Variants in TUSC3 observed in about 807,000 individuals in gnomAD.
The protein encoded by TUSC3 is dolichyl-diphosphooligosaccharide--protein glycosyltransferase subunit TUSC3.
TUSC3 carries 45 observed loss-of-function variants against 44.8 expected under a neutral mutation model. The ratio of observed to expected loss-of-function variants is 1.00; its 90% CI spans 0.79 to 1.29. TUSC3 has a LOEUF of 1.29. Ranked by LOEUF, TUSC3 falls within the 50% of genes most tolerant of loss-of-function variation. The probability of loss-of-function intolerance (pLI) is 0.00; values close to 1 mark genes in which losing one functional copy is unlikely to be tolerated. For missense variants in TUSC3, 519 were observed against 437.9 expected, an observed-to-expected ratio of 1.19 and a Z score of -1.65; for synonymous variants, 212 against 152.9, an observed-to-expected ratio of 1.39 and a Z score of -2.85.
rs546950612 is a variant in TUSC3 at position 15,758,450 on chromosome 8, A to G, written c.*46+595A>G. 2.1e-4 allele frequency among the ~76,000 whole-genome samples: 32 copies of G among 151,908 alleles called. No homozygotes were observed. The South Asian group carries it at 6.0e-3, about 29-fold the overall frequency. On this transcript the variant is annotated intron_variant, in intron 10 of 10. Transcript: ENST00000503731. ...AATTGACAGTAATTTTTTGCAGAAA[A>G]TTCACAATCCAGTTTTTTGATTCCA...
intron 2 of TUSC3, among the ~76,000 whole-genome samples, chr8:15,503,574 C>T (rs933353392): frequency 6.6e-6 from 1 of 152,104 alleles, no homozygotes; most frequent in African/African-American, 2.4e-5. Context: ...CATGGTGGCT[C>T]ACACCTGTAG....
chr8:15,563,047 C>G (rs1173727884), intron 1 of TUSC3, among the ~76,000 whole-genome samples: 1 of 152,070 alleles, frequency 6.6e-6, no homozygotes, highest in Non-Finnish European at 1.5e-5. Flanking sequence ...TTCATTTATG[C>G]CTACTAAAGT....
chr8:15,507,490 A>G (rs1006962755), intron 2 of TUSC3, among the ~76,000 whole-genome samples: 15 of 151,994 alleles, frequency 9.9e-5, no homozygotes, highest in African/African-American at 3.4e-4. Flanking sequence ...CTTTTTTTGT[A>G]TTTTTCAGAT....
intron 1 of TUSC3, among the ~76,000 whole-genome samples, chr8:15,430,880 C>G (rs1440834052): frequency 1.3e-5 from 2 of 151,716 alleles, no homozygotes; most frequent in East Asian, 3.8e-4. Context: ...ATCTGATTAT[C>G]CAGATTTTTG....
intron 3 of TUSC3, among the ~76,000 whole-genome samples, chr8:15,653,112 A>G (rs770311212): frequency 5.9e-5 from 9 of 152,116 alleles, no homozygotes; most frequent in Non-Finnish European, 1.2e-4. Context: ...TTATTTCTTT[A>G]CTACTGTAAG....
At chr8:15,654,157 C>G (rs1807043575) in intron 3 of TUSC3, among the ~76,000 whole-genome samples, 1 of 152,102 alleles carries the variant, frequency 6.6e-6, no homozygotes, top group South Asian at 2.1e-4. Flanking sequence ...AACATTAGGT[C>G]TTAGTATGGA....
In TUSC3 at chr8:15,559,644, C is replaced by T. The variant is rs1241918274; in HGVS notation, c.138+19076C>T. Among the ~76,000 whole-genome samples, 4 of 138,110 alleles carry T rather than the reference C, an allele frequency of 2.9e-5. No homozygotes were observed. In the Admixed American group the frequency reaches 2.9e-4, roughly 10 times the overall value. 90.6% of individuals were successfully genotyped at this position (138,110 alleles called of 152,430 possible). A position where few individuals can be genotyped will look rare whatever the true frequency, so the allele number is the denominator to read the frequency against. Reference sequence around the variant, plus strand: ...TATTAATGTGTGGGAGTCTAATTCTCTTTGTAGGTCACTCAGGACTTGCTT... The same window carrying T: ...TATTAATGTGTGGGAGTCTAATTCTTTTTGTAGGTCACTCAGGACTTGCTT... On this transcript the variant is annotated intron_variant, in intron 1 of 10. Transcript: ENST00000503731.
chr8:15,691,660 G>T (rs1349556236), intron 6 of TUSC3, among the ~76,000 whole-genome samples: 1 of 152,054 alleles, frequency 6.6e-6, no homozygotes, highest in East Asian at 1.9e-4. Flanking sequence ...ATAGAGGGCT[G>T]TTATTTTTTT....
intron 6 of TUSC3, among the ~76,000 whole-genome samples, chr8:15,674,222 C>T (rs1808083854): frequency 6.6e-6 from 1 of 151,978 alleles, no homozygotes; most frequent in Non-Finnish European, 1.5e-5. Flanking sequence ...GGGATTAAGA[C>T]ATTATTAAGA....
intron 1 of TUSC3, among the ~76,000 whole-genome samples, chr8:15,419,586 G>A (rs1222337184): frequency 6.6e-6 from 1 of 152,072 alleles, no homozygotes; most frequent in South Asian, 2.1e-4. Context: ...GGTTATACGT[G>A]TGTGAAAAAA....
rs554240419 is a variant in TUSC3, at chr8:15,766,105, A to G, written c.*1949A>G. 2.5e-4 allele frequency: 37 copies of G among 148,756 alleles called. No homozygotes were observed. The highest frequency in any genetic ancestry group is 4.7e-4 in the Non-Finnish European group (31 of 66,114). The allele number at this position is 148,756 out of a possible 1,614,324, so 9.2% of individuals were successfully genotyped here. On this transcript the variant is annotated 3_prime_UTR_variant, in exon 11 of 11. Coordinates refer to ENST00000503731, the MANE Select transcript of TUSC3 (RefSeq NM_006765.4). ...TATTAGTAAAGGTTTTCTAGCTCTTATTTTCTAATTTCCTCTGAGCATTTA... is the reference window on the plus strand; with the variant it reads ...TATTAGTAAAGGTTTTCTAGCTCTTGTTTTCTAATTTCCTCTGAGCATTTA...
chr8:15,822,964 T>C, the TUSC3 span, among the ~76,000 whole-genome samples: 7 of 152,114 alleles, frequency 4.6e-5, no homozygotes, highest in Non-Finnish European at 1.0e-4. Flanking sequence ...TTGGCCCTCG[T>C]AACTCAATAA....
At chr8:15,784,765 G>C in the TUSC3 span, among the ~76,000 whole-genome samples, 1 of 152,110 alleles carries the variant, frequency 6.6e-6, no homozygotes, top group African/African-American at 2.4e-5. Context: ...CTGAGGAGAG[G>C]AGAGGCAAAG....
At chr8:15,468,042 T>A (rs867889226) in intron 1 of TUSC3, among the ~76,000 whole-genome samples, 7 of 152,180 alleles carry the variant, frequency 4.6e-5, no homozygotes, top group Admixed American at 2.6e-4. Context: ...AAATACTGAT[T>A]AGTAATTAAA....
chr8:15,450,710 A>G (rs1400382897), intron 1 of TUSC3, among the ~76,000 whole-genome samples: 1 of 152,206 alleles, frequency 6.6e-6, no homozygotes, highest in Non-Finnish European at 1.5e-5. Flanking sequence ...TACAGTTAAC[A>G]CAGGCTTTTG....
At chr8:15,779,647 CAT>C in the TUSC3 span, among the ~76,000 whole-genome samples, 15 of 152,290 alleles carry the variant, frequency 9.8e-5, no homozygotes, top group African/African-American at 3.6e-4. Context: ...AAAAATGTAA[CAT>C]ATGCCTAGCA....
intron 7 of TUSC3, among the ~76,000 whole-genome samples, chr8:15,737,721 C>T (rs555671008): frequency 5.3e-5 from 8 of 152,186 alleles, no homozygotes; most frequent in African/African-American, 1.4e-4. Flanking sequence ...CAAAAAAGAA[C>T]GTAACATTCT....
At chr8:15,551,366 G>T (rs1802055965) in intron 1 of TUSC3, among the ~76,000 whole-genome samples, 4 of 151,650 alleles carry the variant, frequency 2.6e-5, no homozygotes, top group Admixed American at 2.0e-4. Context: ...TTATGTTTTA[G>T]AAGTTGACTC....
chr8:15,799,859 G>T, the TUSC3 span, among the ~76,000 whole-genome samples: 1 of 152,154 alleles, frequency 6.6e-6, no homozygotes, highest in Non-Finnish European at 1.5e-5. Flanking sequence ...ATAGATGAAA[G>T]ACAATTCATC....
Sources: gnomAD v4.1 joint callset for allele counts (sites outside exome capture counted in the v4.1 genomes callset) on GRCh38, gnomAD v4.1.1 for gene constraint, MANE v1.5 for transcripts, NCBI Gene and HGNC (gene_info 2026-07-23, HGNC 2026-07-21) for gene names.